FAT3: variants seen among roughly 807,000 people sequenced by gnomAD.
The protein encoded by FAT3 is protocadherin Fat 3.
A neutral mutation model predicts 310.2 loss-of-function variants in FAT3; 95 were observed. That is an observed-to-expected ratio of 0.31 (90% CI 0.26 to 0.36). FAT3 has a LOEUF of 0.36. FAT3 is among the 10% of genes least tolerant of loss of function. FAT3 has a pLI of 1.00. For synonymous variants in FAT3, 2,314 were observed against 2,192.9 expected (o/e 1.06, Z -1.54); for missense variants, 5,408 against 5,715.6 (o/e 0.95, Z 1.74).
rs1230376509 is a variant in FAT3 at position 92,799,926 on chromosome 11, C to T, written c.6913C>T (p.Pro2305Ser). 6.2e-7 allele frequency: 1 copy of T among 1,612,564 alleles called. No individual in the cohort carries two copies. The highest frequency in any genetic ancestry group is 1.3e-5 in the African/African-American group (1 of 74,890). ...TLSEASLIGT[P>S]VLQVVSIDAD... is the part of the protein sequence containing the mutation. ...ATCAGAAGCATCTCTTATTGGGACA[C>T]CTGTTTTACAAGTTGTCTCTATTGA... Residue 2305 changes from proline to serine, a missense_variant, in exon 10 of 28, where the codon CCT becomes TCT. Coordinates refer to ENST00000525166, the MANE Select transcript of FAT3 (RefSeq NM_001367949.2).
chr11:92,807,090 A>G (rs1947525467), intron 12 of FAT3, among the ~76,000 whole-genome samples: 1 of 152,170 alleles, frequency 6.6e-6, no homozygotes, highest in South Asian at 2.1e-4. Context: ...TCTGGTGGTG[A>G]ATCTTTCCCA....
intron 1 of FAT3, among the ~76,000 whole-genome samples, chr11:92,285,393 G>A (rs777984757): frequency 4.6e-5 from 7 of 152,116 alleles, no homozygotes; most frequent in Non-Finnish European, 5.9e-5. Context: ...ATGGTTAGTC[G>A]TTCTATTGTG....
chr11:92,345,380 A>G (rs1377535391), intron 1 of FAT3, among the ~76,000 whole-genome samples: 1 of 152,220 alleles, frequency 6.6e-6, no homozygotes, highest in Non-Finnish European at 1.5e-5. Context: ...GGAAGACAGT[A>G]CTATCAGAAA....
At chr11:92,758,620 G>T (rs1049933124) in intron 4 of FAT3, among the ~76,000 whole-genome samples, 1 of 152,188 alleles carries the variant, frequency 6.6e-6, no homozygotes, top group African/African-American at 2.4e-5. Flanking sequence ...CCCCTGAAGA[G>T]TATTACGCAA....
intron 1 of FAT3, among the ~76,000 whole-genome samples, chr11:92,312,114 A>G (rs1158465086): frequency 6.6e-6 from 1 of 152,226 alleles, no homozygotes; most frequent in Non-Finnish European, 1.5e-5. Context: ...GTCTTAGGAT[A>G]CCTTTTCAGG....
intron 2 of FAT3, among the ~76,000 whole-genome samples, chr11:92,510,647 G>GGCTTTTGA (rs1953261534): frequency 6.6e-6 from 1 of 152,174 alleles, no homozygotes; most frequent in South Asian, 2.1e-4. Flanking sequence ...TGGCCAAGGA[G>GGCTTTTGA]GCTTTTGAGC....
At chr11:92,236,070 G>A (rs1864405786) in intron 1 of FAT3, among the ~76,000 whole-genome samples, 1 of 152,098 alleles carries the variant, frequency 6.6e-6, no homozygotes, top group African/African-American at 2.4e-5. Context: ...AGAATCCTTG[G>A]AGCCTTTCTC....
chr11:92,570,854 T>C (rs1257946337), intron 3 of FAT3, among the ~76,000 whole-genome samples: 2 of 152,172 alleles, frequency 1.3e-5, no homozygotes, highest in Non-Finnish European at 2.9e-5. Flanking sequence ...ATGAGCAAGA[T>C]ATGATTTCAG....
chr11:92,837,440 A>G (rs1284753496), intron 16 of FAT3, among the ~76,000 whole-genome samples: 1 of 152,222 alleles, frequency 6.6e-6, no homozygotes, highest in East Asian at 1.9e-4. Context: ...GACAGAAGTC[A>G]GGGTTGCTGT....
chr11:92,793,988 T>C (rs1252089678), intron 9 of FAT3, among the ~76,000 whole-genome samples: 1 of 152,138 alleles, frequency 6.6e-6, no homozygotes, highest in East Asian at 1.9e-4. Flanking sequence ...TTTCTTGTAT[T>C]AGGCACCCAC....
chr11:92,823,424 T>C (rs1948022006), intron 13 of FAT3, among the ~76,000 whole-genome samples: 1 of 152,172 alleles, frequency 6.6e-6, no homozygotes, highest in Non-Finnish European at 1.5e-5. Flanking sequence ...TATAGTCTTA[T>C]CCAGCAATGG....
At chr11:92,273,106 A>T (rs1191372058) in intron 1 of FAT3, among the ~76,000 whole-genome samples, 2 of 152,124 alleles carry the variant, frequency 1.3e-5, no homozygotes, top group Admixed American at 6.6e-5. Context: ...ACTTAAATGA[A>T]TCTCGGCCTA....
At chr11:92,845,235 A>G (rs1354073284) in intron 19 of FAT3, among the ~76,000 whole-genome samples, 1 of 152,270 alleles carries the variant, frequency 6.6e-6, no homozygotes, top group African/African-American at 2.4e-5. Context: ...AAGGGCCATT[A>G]GCCAAGATGA....
intron 3 of FAT3, among the ~76,000 whole-genome samples, chr11:92,644,290 C>G (rs540685460): frequency 2.6e-5 from 4 of 152,312 alleles, no homozygotes; most frequent in African/African-American, 7.2e-5. Context: ...TCATGAGTTG[C>G]AGGTCTGAGG....
At position 92,812,365 on chromosome 11, in the gene FAT3, G is replaced by A. The variant is rs115313755; in HGVS notation, c.9481+2289G>A. ...AGAGAGGCCGAAGTGGGCGGATCAC[G>A]AGGTCAGGAGTTCATGACCAGCCCG... On this transcript the variant is annotated intron_variant, in intron 13 of 27. Transcript: ENST00000525166. 6.8e-3 allele frequency among the ~76,000 whole-genome samples: 1,038 copies of A among 152,172 alleles called. 19 individuals carry two copies. The highest frequency in any genetic ancestry group is 0.024 in the African/African-American group (976 of 41,522).
Position 92,685,505 on chromosome 11 carries a change from G to T in FAT3, c.3608-11879G>T, listed in dbSNP as rs190870662. On this transcript the variant is annotated intron_variant, in intron 3 of 27. Coordinates refer to ENST00000525166, the MANE Select transcript of FAT3 (RefSeq NM_001367949.2). ...TTCCCATATGTATAGACCATTACCT[G>T]CTTTGGATGGAAGCATGTGTGTGTG... is the stretch of plus-strand genomic sequence containing the variant. Among the ~76,000 whole-genome samples, 4 of 151,928 alleles carry T rather than the reference G, an allele frequency of 2.6e-5. No homozygotes were observed. In the East Asian group the frequency reaches 7.7e-4, roughly 29 times the overall value.
intron 2 of FAT3, among the ~76,000 whole-genome samples, chr11:92,505,738 T>C (rs1253474824): frequency 1.3e-5 from 2 of 152,264 alleles, no homozygotes; most frequent in Admixed American, 6.5e-5. Flanking sequence ...TTAATAGATG[T>C]GATAAATGAT....
chr11:92,307,652 C>T, intron 1 of FAT3, among the ~76,000 whole-genome samples: 1 of 152,162 alleles, frequency 6.6e-6, no homozygotes, highest in East Asian at 1.9e-4. Context: ...CAAGGTTCTT[C>T]AACCTTGTAC....
At chr11:92,461,560 T>G (rs543313119) in intron 2 of FAT3, among the ~76,000 whole-genome samples, 1 of 152,224 alleles carries the variant, frequency 6.6e-6, no homozygotes, top group Admixed American at 6.5e-5. Context: ...GACACACAGA[T>G]GAGCTGACAT....
Sources: allele counts gnomAD v4.1 joint callset (sites outside exome capture counted in the v4.1 genomes callset), GRCh38; gene constraint gnomAD v4.1.1; transcripts MANE v1.5; gene names NCBI Gene and HGNC (gene_info 2026-07-23, HGNC 2026-07-21).